The following TSNARE1 variants were observed in gnomAD, a reference collection of about 807,000 sequenced individuals.
The protein encoded by TSNARE1 is t-SNARE domain-containing protein 1.
TSNARE1 carries 49 observed loss-of-function variants against 62.0 expected under a neutral mutation model. The observed-to-expected ratio is 0.79, with a 90% confidence interval of 0.63 to 1.00. TSNARE1 has a LOEUF of 1.00. TSNARE1 is among the 50% of genes least tolerant of loss of function. The pLI, the probability that TSNARE1 is intolerant of heterozygous loss-of-function variation, is 0.00. For missense variants in TSNARE1, 755 were observed against 700.1 expected, an observed-to-expected ratio of 1.08 and a Z score of -0.88; for synonymous variants, 328 against 294.4, an observed-to-expected ratio of 1.11 and a Z score of -1.17.
intron 10 of TSNARE1, among the ~76,000 whole-genome samples, chr8:142,295,584 G>GCCCCCGTCACTGGCAGC (rs1424356846): frequency 4.6e-5 from 7 of 152,252 alleles, no homozygotes; most frequent in African/African-American, 1.7e-4. Context: ...TAGGGGGCAG[G>GCCCCCGTCACTGGCAGC]CCCCCGTCAC....
chr8:142,294,408 T>C (rs1380521691), intron 10 of TSNARE1, among the ~76,000 whole-genome samples: 1 of 152,172 alleles, frequency 6.6e-6, no homozygotes, highest in African/African-American at 2.4e-5. Flanking sequence ...TTGCAGTCAC[T>C]ATCTCAAGGG....
chr8:142,290,167 G>A lies in TSNARE1; in HGVS notation c.1291-5682C>T, dbSNP rs1006000828. Among the ~76,000 whole-genome samples the A allele has an allele frequency of 4.6e-5, 7 of 152,138 alleles. No homozygotes were observed. In the East Asian group the frequency reaches 5.8e-4, roughly 13 times the overall value. Reference sequence around the variant, plus strand: ...GAGCCTAGTTCCAGGCAGAAGCCCCGTCCTCAGTCCTGGGGCGACAGAGAG... The same window carrying A: ...GAGCCTAGTTCCAGGCAGAAGCCCCATCCTCAGTCCTGGGGCGACAGAGAG... On this transcript the variant is annotated intron_variant, in intron 10 of 13. Transcript: ENST00000524325.
At chr8:142,366,229 G>A (rs1372226576) in intron 1 of TSNARE1, among the ~76,000 whole-genome samples, 1 of 151,892 alleles carries the variant, frequency 6.6e-6, no homozygotes, top group Non-Finnish European at 1.5e-5. Flanking sequence ...GTAGAGATGG[G>A]GTTTCACCAT....
At position 142,314,404 on chromosome 8, in the gene TSNARE1, C is replaced by G. The variant is rs777131187; in HGVS notation, c.1111G>C (p.Ala371Pro). The change falls in exon 9 of 14, where the codon GCG becomes CCG. Residue 371 changes from alanine (A) to proline (P), a missense_variant. Coordinates refer to ENST00000524325, the MANE Select transcript of TSNARE1 (RefSeq NM_145003.5). ...AEKSRALLPM[A>P]QRGSKQSPQA... ...CCCACCTGTTTACTGCCCCTCTGCG[C>G]CATGGGAAGCAGCGCTCTGGACTTT... is the stretch of plus-strand genomic sequence containing the variant. 3 of 1,613,946 alleles carry G rather than the reference C, an allele frequency of 1.9e-6. No homozygotes were observed. In the East Asian group the frequency reaches 6.7e-5, roughly 36 times the overall value.
At chr8:142,262,817 C>T (rs1204618272) in intron 12 of TSNARE1, among the ~76,000 whole-genome samples, 1 of 152,166 alleles carries the variant, frequency 6.6e-6, no homozygotes, top group African/African-American at 2.4e-5. Flanking sequence ...GAACCGTGAG[C>T]CAATCACGCC....
chr8:142,282,936 C>G (rs1383053851), intron 11 of TSNARE1, among the ~76,000 whole-genome samples: 489 of 80,070 alleles, frequency 6.1e-3, no homozygotes, highest in Middle Eastern at 0.024. Flanking sequence ...GGTGGGGCCA[C>G]TGTCTGTCAA....
chr8:142,237,021 G>C (rs924479919), intron 12 of TSNARE1, among the ~76,000 whole-genome samples: 1 of 152,172 alleles, frequency 6.6e-6, no homozygotes, highest in Non-Finnish European at 1.5e-5. Flanking sequence ...TATGAGGGGG[G>C]AGCTTTTTAG....
chr8:142,327,561 CCAT>C (rs1306451736), intron 6 of TSNARE1, among the ~76,000 whole-genome samples: 1 of 152,216 alleles, frequency 6.6e-6, no homozygotes, highest in Non-Finnish European at 1.5e-5. Context: ...ACAGAGCCCT[CCAT>C]CGGGCACTCC....
At chr8:142,338,462 C>T (rs1832082644) in intron 4 of TSNARE1, among the ~76,000 whole-genome samples, 2 of 152,198 alleles carry the variant, frequency 1.3e-5, no homozygotes, top group Non-Finnish European at 2.9e-5. Context: ...CAACACCCAC[C>T]ACAAGCCTGC....
chr8:142,351,091 TCTGG>T (rs1159776639), intron 2 of TSNARE1, among the ~76,000 whole-genome samples: 3 of 152,182 alleles, frequency 2.0e-5, no homozygotes, highest in Non-Finnish European at 4.4e-5. Flanking sequence ...TGATCTGCTA[TCTGG>T]GATTTACTCC....
At chr8:142,283,713 G>C (rs1212419806) in intron 11 of TSNARE1, among the ~76,000 whole-genome samples, 1 of 151,712 alleles carries the variant, frequency 6.6e-6, no homozygotes, top group Non-Finnish European at 1.5e-5. Context: ...CGGGGCCAGT[G>C]TCTGTCAATG....
intron 1 of TSNARE1, among the ~76,000 whole-genome samples, chr8:142,378,238 C>T (rs906514652): frequency 3.3e-5 from 5 of 152,214 alleles, no homozygotes; most frequent in African/African-American, 1.2e-4. Flanking sequence ...AAGGCGCGGA[C>T]GCCACACCCA....
At chr8:142,284,272 A>C (rs1409060406) in intron 11 of TSNARE1, 141 bp downstream of exon 11, 1 of 659,124 alleles carries the variant, frequency 1.5e-6, no homozygotes, top group Non-Finnish European at 2.7e-6. Flanking sequence ...GAGGGAGCAG[A>C]TGCTCAGACC....
chr8:142,288,524 C>T (rs1823174564), intron 10 of TSNARE1, among the ~76,000 whole-genome samples: 1 of 152,246 alleles, frequency 6.6e-6, no homozygotes, highest in Non-Finnish European at 1.5e-5. Context: ...ATAGCTTGCT[C>T]CTCCAAGGCC....
At position 142,343,957 on chromosome 8, in the gene TSNARE1, G is replaced by A; in HGVS notation, c.745+9C>T. On this transcript the variant is annotated intron_variant, in intron 4 of 13. Transcript: ENST00000524325. ...CACCCTAGCAAGGTGAGCTGAGCAAGGAACTCACCTCTGGGCGGCTCCAGA... is the reference window on the plus strand; with the variant it reads ...CACCCTAGCAAGGTGAGCTGAGCAAAGAACTCACCTCTGGGCGGCTCCAGA... 1 of 1,512,606 alleles carries A rather than the reference G, an allele frequency of 6.6e-7. No individual in the cohort carries two copies. The highest frequency in any genetic ancestry group is 8.8e-7 in the Non-Finnish European group (1 of 1,130,638). The allele number at this position is 1,512,606 out of a possible 1,614,324, so 93.7% of individuals were successfully genotyped here.
At chr8:142,262,667 T>C (rs1463197293) in intron 12 of TSNARE1, among the ~76,000 whole-genome samples, 1 of 152,066 alleles carries the variant, frequency 6.6e-6, no homozygotes, top group Admixed American at 6.6e-5. Context: ...TTTAAAAGTG[T>C]GTGGCACCTC....
At chr8:142,321,920 T>G (rs1269874463) in intron 6 of TSNARE1, among the ~76,000 whole-genome samples, 1 of 152,164 alleles carries the variant, frequency 6.6e-6, no homozygotes, top group Non-Finnish European at 1.5e-5. Context: ...CACACCACCC[T>G]GATAACAAAA....
intron 6 of TSNARE1, among the ~76,000 whole-genome samples, chr8:142,323,293 G>C (rs1003651455): frequency 3.3e-5 from 5 of 152,338 alleles, no homozygotes; most frequent in African/African-American, 1.2e-4. Flanking sequence ...AGGGGTATGA[G>C]AGGAGGAGAT....
At chr8:142,232,829 G>C (rs966679078) in intron 12 of TSNARE1, among the ~76,000 whole-genome samples, 8 of 152,236 alleles carry the variant, frequency 5.3e-5, no homozygotes, top group Non-Finnish European at 1.2e-4. Context: ...CCTTTGAAGA[G>C]GGCTCTGCAG....
Sources: allele counts gnomAD v4.1 joint callset (sites outside exome capture counted in the v4.1 genomes callset), GRCh38; gene constraint gnomAD v4.1.1; transcripts MANE v1.5; gene names NCBI Gene and HGNC (gene_info 2026-07-23, HGNC 2026-07-21).